FAP: variants seen among roughly 807,000 people sequenced by gnomAD.
FAP encodes fibroblast activation protein alpha.
FAP carries 110 observed loss-of-function variants against 126.5 expected under a neutral mutation model. That is an observed-to-expected ratio of 0.87 (90% confidence interval 0.74 to 1.02). FAP has a LOEUF of 1.02. FAP is among the 50% of genes least tolerant of loss of function. The pLI is 0.00. For synonymous variants in FAP, 334 were observed against 297.3 expected, an observed-to-expected ratio of 1.12 and a Z score of -1.27; for missense variants, 919 against 909.2, an observed-to-expected ratio of 1.01 and a Z score of -0.14.
intron 13 of FAP, 38 bp from the exon 14 acceptor site, chr2:162,202,980 C>A (rs563399202): frequency 1.9e-6 from 3 of 1,602,526 alleles, no homozygotes; most frequent in Middle Eastern, 1.7e-4. Flanking sequence ...TGAAACTGAG[C>A]GTTATTTGAG....
intron 14 of FAP, among the ~76,000 whole-genome samples, chr2:162,201,783 C>A (rs1028962843): frequency 6.6e-6 from 1 of 152,168 alleles, no homozygotes; most frequent in Admixed American, 6.5e-5. Flanking sequence ...GAAGGAGGTG[C>A]AGTTTTGTCC....
chr2:162,207,513 G>A (rs549269939), intron 12 of FAP, among the ~76,000 whole-genome samples: 4 of 152,094 alleles, frequency 2.6e-5, no homozygotes, highest in Non-Finnish European at 4.4e-5. Flanking sequence ...AGATTTAGTT[G>A]GGAATGACTT....
At chr2:162,204,368 A>T (rs1301787215) in intron 12 of FAP, among the ~76,000 whole-genome samples, 1 of 152,168 alleles carries the variant, frequency 6.6e-6, no homozygotes, top group Non-Finnish European at 1.5e-5. Context: ...CCAAAAATTC[A>T]TGTCCACGTG....
chr2:162,217,695 A>G (rs1689206199), intron 9 of FAP, among the ~76,000 whole-genome samples: 1 of 152,202 alleles, frequency 6.6e-6, no homozygotes, highest in Non-Finnish European at 1.5e-5. Context: ...TTGGAGCATG[A>G]AATATGAAAA....
chr2:162,193,531 T>C (rs1471938940), intron 17 of FAP: 3 of 152,188 alleles, frequency 2.0e-5, no homozygotes, highest in Non-Finnish European at 2.9e-5. Context: ...GCTATTATTT[T>C]GCAGTCTTGA....
At position 162,170,966 on chromosome 2, in the gene FAP, A is replaced by T. The variant is rs774339831; in HGVS notation, c.*13T>A. 1.3e-5 allele frequency: 21 copies of T among 1,597,700 alleles called. No homozygotes were observed. In the Admixed American group the frequency reaches 3.2e-4, roughly 24 times the overall value. Reference sequence around the variant, plus strand: ...TTTTCAGATTCTGATACAGGCTTGCATCTGCATCGTTTTTAGTCTGACAAA... The same window carrying T: ...TTTTCAGATTCTGATACAGGCTTGCTTCTGCATCGTTTTTAGTCTGACAAA... On this transcript the variant is annotated 3_prime_UTR_variant, in exon 26 of 26. Transcript: ENST00000188790.
chr2:162,213,193 T>C (rs376913576), intron 11 of FAP, among the ~76,000 whole-genome samples: 2 of 151,958 alleles, frequency 1.3e-5, no homozygotes, highest in Non-Finnish European at 2.9e-5. Flanking sequence ...CTGGCCAACA[T>C]GGTGAAACCC....
At chr2:162,171,363 G>A in intron 25 of FAP, 1 of 252,424 alleles carries the variant, frequency 4.0e-6, no homozygotes. Context: ...CATCAGAGTT[G>A]CCAGAAGTGA....
intron 10 of FAP, 36 bp downstream of exon 10, chr2:162,215,862 A>G (rs1161876335): frequency 6.9e-7 from 1 of 1,444,720 alleles, no homozygotes; most frequent in Non-Finnish European, 9.7e-7. Context: ...ACTAGAATAT[A>G]GGATAGAAAG....
chr2:162,187,117 A>G (rs970245655), intron 20 of FAP, among the ~76,000 whole-genome samples: 3 of 152,024 alleles, frequency 2.0e-5, no homozygotes, highest in African/African-American at 7.2e-5. Context: ...ACACCTTTCT[A>G]TTTTTAAAAA....
At chr2:162,236,919 A>G (rs1444053364) in intron 2 of FAP, among the ~76,000 whole-genome samples, 1 of 152,266 alleles carries the variant, frequency 6.6e-6, no homozygotes, top group East Asian at 1.9e-4. Flanking sequence ...TTTAACATAC[A>G]ATTGTTATAT....
intron 5 of FAP, 105 bp from the exon 6 acceptor site, chr2:162,223,765 G>T: frequency 1.4e-6 from 1 of 726,846 alleles, no homozygotes. Flanking sequence ...AATTATAAAA[G>T]GACTACTTTC....
intron 17 of FAP, among the ~76,000 whole-genome samples, chr2:162,191,666 C>A (rs976853311): frequency 1.3e-5 from 2 of 152,036 alleles, no homozygotes; most frequent in African/African-American, 4.8e-5. Flanking sequence ...GTTTTAAAAT[C>A]CCATATTGCT....
At chr2:162,216,943 G>T (rs1689179725) in intron 9 of FAP, among the ~76,000 whole-genome samples, 1 of 152,206 alleles carries the variant, frequency 6.6e-6, no homozygotes, top group Admixed American at 6.5e-5. Flanking sequence ...TCACTCTTCA[G>T]TTCTGGGTTC....
At chr2:162,215,469 A>G (rs1464521282) in intron 10 of FAP, among the ~76,000 whole-genome samples, 1 of 152,198 alleles carries the variant, frequency 6.6e-6, no homozygotes, top group Non-Finnish European at 1.5e-5. Context: ...AACCAGATAA[A>G]TGAGAATAGC....
chr2:162,198,861 G>A lies in FAP; in HGVS notation c.1298C>T (p.Pro433Leu). The change falls in exon 16 of 26, where the codon CCT becomes CTT. Residue 433 changes from proline (P) to leucine (L), a missense_variant. Transcript: ENST00000188790. ...NIYRISIGSY[P>L]PSKKCVTCHL... is the part of the protein sequence containing the mutation. Reference sequence around the variant, plus strand: ...GCAAGTAACACACTTCTTGCTTGGAGGATAGCTTCCAATGCTAATTCTAGA... The same window carrying A: ...GCAAGTAACACACTTCTTGCTTGGAAGATAGCTTCCAATGCTAATTCTAGA... 6.2e-7 allele frequency: 1 copy of A among 1,613,432 alleles called. No individual in the cohort carries two copies. Among genetic ancestry groups the A allele is most frequent in the Non-Finnish European group, 8.5e-7 (1 of 1,179,440 alleles).
chr2:162,216,914 A>G (rs933995667), intron 9 of FAP, among the ~76,000 whole-genome samples: 3 of 152,136 alleles, frequency 2.0e-5, no homozygotes, highest in African/African-American at 7.2e-5. Flanking sequence ...GTGGGTCCCA[A>G]CTTCCCAATC....
rs1426840088 is a variant in FAP at position 162,203,117 on chromosome 2, T to C, written c.1076A>G (p.Tyr359Cys). The C allele has an allele frequency of 1.2e-6, 2 of 1,612,948 alleles. No homozygotes were observed. The highest frequency in any genetic ancestry group is 1.7e-6 in the Non-Finnish European group (2 of 1,179,600). The change falls in exon 13 of 26, where the codon TAT (tyrosine) becomes TGT (cysteine). Residue 359 changes from tyrosine to cysteine, a missense_variant. Tyr to Cys is a radical substitution (Grantham distance 194). Transcript: ENST00000188790. ...GFFVSTPVFS[Y>C]DAISYYKIFS... ...TATTTTGTAGTACGAAATGGCATCA[T>C]AGCTGAAAACTGGTGTTGAAACAAA... is the stretch of plus-strand genomic sequence containing the variant.
intron 18 of FAP, 27 bp from the exon 19 acceptor site, chr2:162,189,199 TC>T (rs763818391): frequency 3.1e-5 from 46 of 1,471,330 alleles, no homozygotes; most frequent in Non-Finnish European, 4.1e-5. Flanking sequence ...AGGAGAAAAA[TC>T]TTCATTCCAC....
Sources: gnomAD v4.1 joint callset for allele counts (sites outside exome capture counted in the v4.1 genomes callset) on GRCh38, gnomAD v4.1.1 for gene constraint, MANE v1.5 for transcripts, NCBI Gene and HGNC (gene_info 2026-07-23, HGNC 2026-07-21) for gene names.